Variants in PDE1A observed in about 807,000 individuals in gnomAD.
The protein encoded by PDE1A is phosphodiesterase 1A.
Under a neutral mutation model 61.7 loss-of-function variants are expected in PDE1A, and 35 were observed. The observed-to-expected ratio is 0.57, with a 90% CI of 0.43 to 0.75. The LOEUF is 0.75. Among genes scored for constraint, PDE1A ranks in the 30% least tolerant of loss-of-function variants. The pLI, the probability that PDE1A is intolerant of heterozygous loss-of-function variation, is 0.00. For missense variants in PDE1A, 597 were observed against 630.6 expected, an observed-to-expected ratio of 0.95 and a Z score of 0.57; for synonymous variants, 232 against 213.2, an observed-to-expected ratio of 1.09 and a Z score of -0.77.
At chr2:182,634,093 A>G in the PDE1A span, among the ~76,000 whole-genome samples, 3 of 152,074 alleles carry the variant, frequency 2.0e-5, no homozygotes, top group African/African-American at 7.2e-5. Context: ...CTGTCTCAAA[A>G]AACAAGAAAA....
the PDE1A span, among the ~76,000 whole-genome samples, chr2:182,613,322 G>C: frequency 6.6e-6 from 1 of 152,110 alleles, no homozygotes; most frequent in Admixed American, 6.5e-5. Flanking sequence ...CAGAACTTTG[G>C]GAGGCCGAGG....
chr2:182,595,111 C>A, the PDE1A span, among the ~76,000 whole-genome samples: 3 of 152,092 alleles, frequency 2.0e-5, no homozygotes, highest in African/African-American at 7.2e-5. Context: ...GAACTAAGAG[C>A]CGTTTCACTT....
chr2:182,444,625 C>A (rs1574671032), intron 2 of PDE1A, among the ~76,000 whole-genome samples: 1 of 151,936 alleles, frequency 6.6e-6, no homozygotes, highest in Non-Finnish European at 1.5e-5. Context: ...ATATATCTCT[C>A]TCTCTCTTTC....
At chr2:182,625,853 C>T in the PDE1A span, among the ~76,000 whole-genome samples, 1 of 152,152 alleles carries the variant, frequency 6.6e-6, no homozygotes, top group Non-Finnish European at 1.5e-5. Flanking sequence ...AGACATCCCT[C>T]CTCATGTACA....
At chr2:182,570,253 G>C in the PDE1A span, among the ~76,000 whole-genome samples, 1 of 152,074 alleles carries the variant, frequency 6.6e-6, no homozygotes, top group Non-Finnish European at 1.5e-5. Flanking sequence ...GTATAAAATA[G>C]AAAAATAAAA....
downstream of PDE1A, among the ~76,000 whole-genome samples, chr2:182,143,717 G>A (rs1460601146): frequency 3.9e-5 from 6 of 152,184 alleles, no homozygotes; most frequent in African/African-American, 1.2e-4. Flanking sequence ...GGGTTTCACC[G>A]TGTTAGCCAG....
chr2:182,615,432 T>C, the PDE1A span, among the ~76,000 whole-genome samples: 1 of 152,142 alleles, frequency 6.6e-6, no homozygotes, highest in African/African-American at 2.4e-5. Context: ...TAAAATATTA[T>C]TGGGAAGATA....
intron 1 of PDE1A, among the ~76,000 whole-genome samples, chr2:182,407,868 TCA>T (rs1702390565): frequency 6.6e-6 from 1 of 152,100 alleles, no homozygotes; most frequent in African/African-American, 2.4e-5. Flanking sequence ...AAAGAATAAG[TCA>T]TATGTACATG....
chr2:182,620,270 A>G, the PDE1A span, among the ~76,000 whole-genome samples: 1 of 152,216 alleles, frequency 6.6e-6, no homozygotes, highest in Non-Finnish European at 1.5e-5. Flanking sequence ...TATGAATTTC[A>G]GTTATTTGAT....
At chr2:182,147,021 A>G (rs1406485606), downstream of PDE1A, 4 of 1,120,902 alleles carry the variant, frequency 3.6e-6, no homozygotes, top group African/African-American at 6.3e-5. Flanking sequence ...TTTCTGGTCT[A>G]TAAAATAAAA....
At chr2:182,243,344 A>G (rs1384862781) in intron 2 of PDE1A, among the ~76,000 whole-genome samples, 3 of 152,216 alleles carry the variant, frequency 2.0e-5, no homozygotes, top group Non-Finnish European at 4.4e-5. Flanking sequence ...AGATGATCAG[A>G]TAGTTAAGAC....
intron 10 of PDE1A, among the ~76,000 whole-genome samples, chr2:182,196,834 A>G (rs1282683743): frequency 6.6e-6 from 1 of 151,778 alleles, no homozygotes; most frequent in Non-Finnish European, 1.5e-5. Context: ...TTTGATGAAT[A>G]TTTGGACTGT....
intron 13 of PDE1A, among the ~76,000 whole-genome samples, chr2:182,168,714 T>G (rs1011244810): frequency 3.3e-5 from 5 of 152,116 alleles, no homozygotes; most frequent in Non-Finnish European, 7.4e-5. Context: ...AGAATTTTAT[T>G]ATGTAAAGAA....
At chr2:182,355,718 A>G (rs1699140056) in intron 1 of PDE1A, among the ~76,000 whole-genome samples, 1 of 152,116 alleles carries the variant, frequency 6.6e-6, no homozygotes, top group Non-Finnish European at 1.5e-5. Context: ...AAGGCTTTTA[A>G]TTAAGGTAGA....
the PDE1A span, among the ~76,000 whole-genome samples, chr2:182,545,297 C>A: frequency 3.9e-5 from 6 of 152,170 alleles, no homozygotes; most frequent in Admixed American, 3.9e-4. Flanking sequence ...CCCAAAGCAG[C>A]CCCTTCCCTG....
At chr2:182,358,729 A>T (rs1274363465) in intron 1 of PDE1A, among the ~76,000 whole-genome samples, 1 of 152,158 alleles carries the variant, frequency 6.6e-6, no homozygotes, top group Non-Finnish European at 1.5e-5. Context: ...TACATACATA[A>T]ATCCATTTGA....
At chr2:182,304,044 G>T (rs943288464) in intron 1 of PDE1A, among the ~76,000 whole-genome samples, 1 of 151,070 alleles carries the variant, frequency 6.6e-6, no homozygotes, top group Non-Finnish European at 1.5e-5. Context: ...GGGACTACAG[G>T]TGTGTGCCAC....
Position 182,263,627 on chromosome 2 carries a change from T to C in PDE1A, c.167+674A>G, listed in dbSNP as rs77639460. Among the ~76,000 whole-genome samples the C allele has an allele frequency of 4.6e-5, 7 of 152,316 alleles. No individual in the cohort carries two copies. In the East Asian group the frequency reaches 1.4e-3, roughly 29 times the overall value. On this transcript the variant is annotated intron_variant, in intron 2 of 13. Coordinates refer to ENST00000351439, the Ensembl canonical transcript of PDE1A. ...ATTAGCCTGTCACTTTTATCCTTTT[T>C]GAGAAGAGAATTAGGAACCAGATAT...
At chr2:182,281,216 T>C (rs1454842996) in intron 1 of PDE1A, among the ~76,000 whole-genome samples, 1 of 151,974 alleles carries the variant, frequency 6.6e-6, no homozygotes, top group Non-Finnish European at 1.5e-5. Flanking sequence ...TTTCATCAGT[T>C]ACTTCATTTT....
Sources: gnomAD v4.1 joint callset for allele counts (sites outside exome capture counted in the v4.1 genomes callset) on GRCh38, gnomAD v4.1.1 for gene constraint, MANE v1.5 for transcripts, NCBI Gene and HGNC (gene_info 2026-07-23, HGNC 2026-07-21) for gene names.